The following MICU3 variants were observed in gnomAD, a reference collection of about 807,000 sequenced individuals.
MICU3 encodes the protein mitochondrial calcium uptake 3, also known as calcium uptake protein 3, mitochondrial.
Under a neutral mutation model 66.5 loss-of-function variants are expected in MICU3, and 62 were observed. That is an observed-to-expected ratio of 0.93 (90% CI 0.76 to 1.15). MICU3 has a LOEUF of 1.15. Among genes scored for constraint, MICU3 ranks in the 50% most tolerant of loss-of-function variants. The pLI is 0.00. For missense variants in MICU3, 779 were observed against 664.4 expected, an observed-to-expected ratio of 1.17 and a Z score of -1.90; for synonymous variants, 308 against 240.7, an observed-to-expected ratio of 1.28 and a Z score of -2.59.
chr8:17,076,264 G>A (rs1401446912), intron 3 of MICU3, among the ~76,000 whole-genome samples: 1 of 151,996 alleles, frequency 6.6e-6, no homozygotes, highest in African/African-American at 2.4e-5. Flanking sequence ...AAAACTCTTG[G>A]ATTCAAGGGA....
intron 11 of MICU3, among the ~76,000 whole-genome samples, chr8:17,110,527 T>C (rs1055493068): frequency 6.6e-6 from 1 of 152,152 alleles, no homozygotes; most frequent in South Asian, 2.1e-4. Context: ...TGTAACCTTT[T>C]TGTTTGGGTT....
intron 6 of MICU3, among the ~76,000 whole-genome samples, chr8:17,086,633 T>A (rs1322900499): frequency 6.6e-6 from 1 of 152,170 alleles, no homozygotes; most frequent in African/African-American, 2.4e-5. Flanking sequence ...TCTATGTCCA[T>A]ACTGCCAAGT....
At chr8:17,130,621 G>C in the MICU3 span, among the ~76,000 whole-genome samples, 1 of 152,232 alleles carries the variant, frequency 6.6e-6, no homozygotes, top group African/African-American at 2.4e-5. Context: ...GACAGAAAGG[G>C]GTAAATAGAA....
At chr8:17,117,910 G>C (rs1802838076) in intron 13 of MICU3, among the ~76,000 whole-genome samples, 2 of 152,100 alleles carry the variant, frequency 1.3e-5, no homozygotes, top group African/African-American at 4.8e-5. Flanking sequence ...TACCCGGCCA[G>C]TATTATACAT....
chr8:17,130,295 C>T, the MICU3 span, among the ~76,000 whole-genome samples: 24 of 152,046 alleles, frequency 1.6e-4, no homozygotes, highest in South Asian at 6.2e-4. Flanking sequence ...GGGACTGAGG[C>T]GGTGGGTCGC....
At chr8:17,107,548 A>G (rs961327450) in intron 11 of MICU3, among the ~76,000 whole-genome samples, 1 of 152,018 alleles carries the variant, frequency 6.6e-6, no homozygotes, top group African/African-American at 2.4e-5. Flanking sequence ...GGAAGCCACT[A>G]TAGTATTTAA....
intron 8 of MICU3, among the ~76,000 whole-genome samples, chr8:17,096,128 A>G (rs1414297037): frequency 6.6e-6 from 1 of 151,936 alleles, no homozygotes; most frequent in Admixed American, 6.6e-5. Flanking sequence ...GATAACCGAG[A>G]AAACTTCAGG....
At chr8:17,127,518 A>G (rs1312079037), downstream of MICU3, among the ~76,000 whole-genome samples, 1 of 40,898 alleles carries the variant, frequency 2.4e-5, no homozygotes, top group Non-Finnish European at 4.7e-5. Context: ...CAACTTAAAT[A>G]TGTTTTTTCT....
chr8:17,036,717 C>T (rs1289662276), intron 1 of MICU3, among the ~76,000 whole-genome samples: 1 of 152,218 alleles, frequency 6.6e-6, no homozygotes, highest in Non-Finnish European at 1.5e-5. Flanking sequence ...AAAGACTCTC[C>T]ACGTCCCCAC....
At chr8:17,092,452 TTAAA>T (rs1176069106) in intron 8 of MICU3, among the ~76,000 whole-genome samples, 3 of 152,040 alleles carry the variant, frequency 2.0e-5, no homozygotes, top group Non-Finnish European at 4.4e-5. Flanking sequence ...ATTATGCCTG[TTAAA>T]TAAAAAATTA....
intron 1 of MICU3, chr8:17,049,580 A>G (rs1048968659): frequency 1.9e-6 from 1 of 518,352 alleles, no homozygotes; most frequent in Non-Finnish European, 3.9e-6. Flanking sequence ...TTCCCAAGGT[A>G]ACCTAACTAG....
intron 14 of MICU3, among the ~76,000 whole-genome samples, chr8:17,119,128 GGTA>G (rs1802973050): frequency 6.6e-6 from 1 of 152,042 alleles, no homozygotes; most frequent in African/African-American, 2.4e-5. Context: ...TTCTTCCACA[GGTA>G]GTATCTCATT....
At chr8:17,091,869 G>A (rs1222596039) in intron 8 of MICU3, among the ~76,000 whole-genome samples, 3 of 151,734 alleles carry the variant, frequency 2.0e-5, no homozygotes, top group Admixed American at 2.0e-4. Flanking sequence ...ACTTTATGGG[G>A]GTTTTTTTTG....
At chr8:17,063,390 C>T (rs1385724622) in intron 1 of MICU3, among the ~76,000 whole-genome samples, 1 of 152,030 alleles carries the variant, frequency 6.6e-6, no homozygotes, top group African/African-American at 2.4e-5. Context: ...TTCTAAATTA[C>T]ATGTAAGAGC....
chr8:17,132,094 A>G, the MICU3 span: 278 of 152,330 alleles, frequency 1.8e-3, 1 homozygote, highest in African/African-American at 6.6e-3. Context: ...GCCCTTTAGA[A>G]TCATCACAGT....
chr8:17,060,600 C>G (rs1236688409), intron 1 of MICU3, among the ~76,000 whole-genome samples: 5 of 152,142 alleles, frequency 3.3e-5, no homozygotes, highest in Non-Finnish European at 1.5e-5. Context: ...GCATGAGCCA[C>G]TACGCCTGGC....
chr8:17,085,448 T>TA, intron 6 of MICU3, 130 bp downstream of exon 6: 1 of 530,238 alleles, frequency 1.9e-6, no homozygotes. Flanking sequence ...CTTTACTTAA[T>TA]AAAGTATAAT....
the MICU3 span, among the ~76,000 whole-genome samples, chr8:17,135,218 G>T: frequency 2.6e-5 from 4 of 152,134 alleles, no homozygotes; most frequent in Admixed American, 2.6e-4. Flanking sequence ...GGCCAAGATG[G>T]TGAAACCCCA....
chr8:17,116,621 C>A, intron 13 of MICU3, 21 bp downstream of exon 13: 1 of 1,505,082 alleles, frequency 6.6e-7, no homozygotes, highest in East Asian at 2.5e-5. Context: ...ACATTTTAAA[C>A]CTATTGATAT....
Sources: gnomAD v4.1 joint callset for allele counts (sites outside exome capture counted in the v4.1 genomes callset) on GRCh38, gnomAD v4.1.1 for gene constraint, MANE v1.5 for transcripts, NCBI Gene and HGNC (gene_info 2026-07-23, HGNC 2026-07-21) for gene names.